Variants in ANO6 observed in about 807,000 individuals in gnomAD.
The protein encoded by ANO6 is anoctamin-6.
A neutral mutation model predicts 117.5 loss-of-function variants in ANO6; 106 were observed. The ratio of observed to expected loss-of-function variants is 0.90; its 90% CI spans 0.77 to 1.06. The LOEUF (loss-of-function observed/expected upper bound fraction) is 1.06. Ranked by LOEUF, ANO6 falls within the 50% of genes least tolerant of loss-of-function variation. The pLI, the probability that ANO6 is intolerant of heterozygous loss-of-function variation, is 0.00. For synonymous variants in ANO6, 367 were observed against 385.1 expected (o/e 0.95, Z 0.55); for missense variants, 955 against 1,121.1 (o/e 0.85, Z 2.12).
chr12:45,388,365 C>T, intron 11 of ANO6, 62 bp downstream of exon 11: 3 of 1,600,780 alleles, frequency 1.9e-6, no homozygotes, highest in Admixed American at 1.7e-5. Flanking sequence ...TCCTCCTTGG[C>T]CGCACATTAG....
At chr12:45,308,269 A>G (rs1008794032) in intron 2 of ANO6, among the ~76,000 whole-genome samples, 3 of 151,914 alleles carry the variant, frequency 2.0e-5, no homozygotes, top group African/African-American at 4.8e-5. Context: ...AATCCCGTCT[A>G]TAAGTGGAGG....
chr12:45,371,672 A>G (rs1458255047), intron 9 of ANO6, among the ~76,000 whole-genome samples: 6 of 152,232 alleles, frequency 3.9e-5, no homozygotes, highest in African/African-American at 9.6e-5. Context: ...AAGGAAAACT[A>G]ACAAACAGAA....
At chr12:45,323,090 ATTC>A (rs1384067749) in intron 2 of ANO6, among the ~76,000 whole-genome samples, 1 of 152,140 alleles carries the variant, frequency 6.6e-6, no homozygotes, top group East Asian at 1.9e-4. Flanking sequence ...TATTGTATTT[ATTC>A]TTCTTGACAC....
At chr12:45,366,097 G>A (rs942937687) in intron 8 of ANO6, among the ~76,000 whole-genome samples, 51 of 148,340 alleles carry the variant, frequency 3.4e-4, no homozygotes, top group African/African-American at 9.7e-4. Context: ...AAAGGGAGCA[G>A]CGTGCAATGT....
intron 8 of ANO6, among the ~76,000 whole-genome samples, chr12:45,361,166 T>C (rs932457860): frequency 6.6e-6 from 1 of 152,004 alleles, no homozygotes; most frequent in Non-Finnish European, 1.5e-5. Context: ...AGTCTTTTAA[T>C]CCCTGAACAC....
intron 2 of ANO6, among the ~76,000 whole-genome samples, chr12:45,303,240 T>C (rs1257010831): frequency 1.3e-5 from 2 of 152,254 alleles, no homozygotes; most frequent in African/African-American, 2.4e-5. Flanking sequence ...TTCCCTATTA[T>C]ATTCAATAAG....
At chr12:45,293,806 A>C (rs1166021566) in intron 1 of ANO6, among the ~76,000 whole-genome samples, 1 of 133,562 alleles carries the variant, frequency 7.5e-6, no homozygotes, top group Non-Finnish European at 1.5e-5. Flanking sequence ...GATGGTCTCG[A>C]TCTCCTGACC....
intron 14 of ANO6, 35 bp from the exon 15 acceptor site, chr12:45,403,404 A>T: frequency 6.4e-7 from 1 of 1,571,068 alleles, no homozygotes; most frequent in Non-Finnish European, 8.8e-7. Context: ...AGATCCATTG[A>T]ATATTTAAAT....
At chr12:45,274,618 C>A (rs1401382752) in intron 1 of ANO6, among the ~76,000 whole-genome samples, 1 of 152,036 alleles carries the variant, frequency 6.6e-6, no homozygotes, top group Admixed American at 6.6e-5. Flanking sequence ...TTCTCTTTTA[C>A]ACCTTTATAC....
chr12:45,384,173 G>C (rs1323742173), intron 10 of ANO6, among the ~76,000 whole-genome samples: 1 of 152,182 alleles, frequency 6.6e-6, no homozygotes, highest in Non-Finnish European at 1.5e-5. Flanking sequence ...TTCTTCTGCA[G>C]CTTCCTCACC....
chr12:45,395,068 G>A (rs1240954359), intron 12 of ANO6, among the ~76,000 whole-genome samples: 1 of 152,146 alleles, frequency 6.6e-6, no homozygotes, highest in Admixed American at 6.5e-5. Context: ...TTTTTGAAAA[G>A]ATCAACAAAA....
At chr12:45,413,366 G>A (rs901456568) in intron 16 of ANO6, among the ~76,000 whole-genome samples, 2 of 152,188 alleles carry the variant, frequency 1.3e-5, no homozygotes, top group African/African-American at 2.4e-5. Context: ...ACTTCCAGGA[G>A]ACCATATATG....
At chr12:45,238,151 C>CTTTTTTTTTT (rs71437709) in intron 1 of ANO6, among the ~76,000 whole-genome samples, 2 of 130,874 alleles carry the variant, frequency 1.5e-5, no homozygotes, top group African/African-American at 2.9e-5. Flanking sequence ...TTTTCTTTTT[C>CTTTTTTTTTT]TTTTTTTTTT....
intron 3 of ANO6, among the ~76,000 whole-genome samples, chr12:45,336,104 C>T (rs138173612): frequency 3.9e-5 from 6 of 152,064 alleles, no homozygotes; most frequent in East Asian, 1.9e-4. Context: ...TTAAATATTA[C>T]ACTTGCCATA....
Position 45,388,252 on chromosome 12 carries a change from A to C in ANO6, c.1257A>C (p.Arg419=), listed in dbSNP as rs138393865. Residue 419 remains arginine, a synonymous_variant, in exon 11 of 20, where the codon CGA becomes CGC. Coordinates refer to ENST00000320560, the MANE Select transcript of ANO6 (RefSeq NM_001025356.3). The stretch of plus-strand genomic sequence containing the variant: ...AGTTACAGCAGGAAGAACAAGCCCG[A>C]CCAGAATACGAAGCACGATGTACTC... ...TVELQQEEQA[R]PEYEARCTHV... The C allele has an allele frequency of 1.2e-4, 192 of 1,614,114 alleles. No homozygotes were observed. In the East Asian group the frequency reaches 4.2e-3, roughly 35 times the overall value.
chr12:45,336,534 AGT>A (rs1940829780), intron 3 of ANO6, among the ~76,000 whole-genome samples: 1 of 152,032 alleles, frequency 6.6e-6, no homozygotes, highest in Admixed American at 6.6e-5. Context: ...CCTGTTGCCT[AGT>A]GACATCATAG....
chr12:45,361,841 G>T (rs1219357772), intron 8 of ANO6, among the ~76,000 whole-genome samples: 1 of 152,076 alleles, frequency 6.6e-6, no homozygotes, highest in Non-Finnish European at 1.5e-5. Context: ...TTCCTGGATA[G>T]ATCCCACTTG....
chr12:45,345,123 T>C (rs75867599), intron 3 of ANO6, among the ~76,000 whole-genome samples: 1 of 152,220 alleles, frequency 6.6e-6, no homozygotes, highest in Non-Finnish European at 1.5e-5. Flanking sequence ...AATAGTTAAA[T>C]GTACTATATC....
At chr12:45,319,240 T>C (rs533509080) in intron 2 of ANO6, among the ~76,000 whole-genome samples, 4 of 152,318 alleles carry the variant, frequency 2.6e-5, no homozygotes, top group Admixed American at 6.5e-5. Context: ...CAGTATGATA[T>C]TGGCTGTGGG....
Sources: allele counts gnomAD v4.1 joint callset (sites outside exome capture counted in the v4.1 genomes callset), GRCh38; gene constraint gnomAD v4.1.1; transcripts MANE v1.5; gene names NCBI Gene and HGNC (gene_info 2026-07-23, HGNC 2026-07-21).